The following PHF21A variants were observed in gnomAD, a reference collection of about 807,000 sequenced individuals.
PHF21A encodes PHD finger protein 21A.
In PHF21A, 11 loss-of-function variants were observed where a neutral mutation model predicts 82.5. That is an observed-to-expected ratio of 0.13 (90% CI 0.08 to 0.22). PHF21A has a LOEUF of 0.22. PHF21A is among the 10% of genes least tolerant of loss of function. PHF21A has a pLI of 1.00. For missense variants in PHF21A, 579 were observed against 837.8 expected, an observed-to-expected ratio of 0.69 and a Z score of 3.81; for synonymous variants, 297 against 302.8, an observed-to-expected ratio of 0.98 and a Z score of 0.20.
intron 6 of PHF21A, among the ~76,000 whole-genome samples, chr11:46,022,553 C>T (rs191234728): frequency 2.0e-4 from 30 of 152,308 alleles, no homozygotes; most frequent in Non-Finnish European, 2.8e-4. Context: ...CCTCAAACTC[C>T]TGGGCTCAAG....
intron 6 of PHF21A, among the ~76,000 whole-genome samples, chr11:46,040,742 A>C (rs1368586511): frequency 6.6e-6 from 1 of 152,138 alleles, no homozygotes; most frequent in Non-Finnish European, 1.5e-5. Flanking sequence ...TATATGTTCG[A>C]ATTTAAATAC....
At chr11:45,953,753 A>G in intron 10 of PHF21A, 128 bp from the exon 11 acceptor site, 1 of 647,918 alleles carries the variant, frequency 1.5e-6, no homozygotes, top group Non-Finnish European at 2.7e-6. Context: ...CATATTAATA[A>G]AAAGGTTAGT....
Position 45,933,821 on chromosome 11 carries a change from C to T in PHF21A, c.*147G>A, listed in dbSNP as rs2088049504. ...GATCAATTGGCAAACTCTGGTGCCA[C>T]CTGGCACAAGCATCTTCTCTCTCTC... On this transcript the variant is annotated 3_prime_UTR_variant, in exon 19 of 19. Coordinates refer to ENST00000676320, the MANE Select transcript of PHF21A (RefSeq NM_001352027.3). 2 of 713,830 alleles carry T rather than the reference C, an allele frequency of 2.8e-6. No individual in the cohort carries two copies. Among genetic ancestry groups the T allele is most frequent in the Non-Finnish European group, 2.2e-6 (1 of 459,534 alleles). 44.2% of individuals were successfully genotyped at this position (713,830 alleles called of 1,614,324 possible).
At chr11:46,011,629 A>T (rs143190838) in intron 6 of PHF21A, among the ~76,000 whole-genome samples, 3 of 152,318 alleles carry the variant, frequency 2.0e-5, no homozygotes, top group Non-Finnish European at 2.9e-5. Context: ...TTCATTTCTA[A>T]ATTCAAGAAA....
intron 6 of PHF21A, among the ~76,000 whole-genome samples, chr11:46,035,730 A>G (rs1177375771): frequency 6.6e-6 from 1 of 152,214 alleles, no homozygotes; most frequent in Non-Finnish European, 1.5e-5. Flanking sequence ...GGAGGAGAAC[A>G]GTGTCTCAGA....
Position 45,999,588 on chromosome 11 carries a change from T to C in PHF21A, c.154-19622A>G, listed in dbSNP as rs193034258. 8.5e-5 allele frequency among the ~76,000 whole-genome samples: 13 copies of C among 152,284 alleles called. No homozygotes were observed. In the East Asian group the frequency reaches 2.3e-3, roughly 27 times the overall value. ...GAAGGGAAATTTAAAAATATATCTA[T>C]AGAGGACAAAAAATGTATAATTTAG... On this transcript the variant is annotated intron_variant, in intron 6 of 18. Transcript: ENST00000676320.
intron 6 of PHF21A, among the ~76,000 whole-genome samples, chr11:46,003,508 A>T (rs1465854031): frequency 1.3e-5 from 2 of 152,162 alleles, no homozygotes; most frequent in Non-Finnish European, 2.9e-5. Context: ...AAAAATGCTG[A>T]TGAACTTGAT....
intron 1 of PHF21A, among the ~76,000 whole-genome samples, chr11:46,108,555 A>ATGTG (rs779833383): frequency 1.1e-5 from 1 of 94,850 alleles, no homozygotes; most frequent in Non-Finnish European, 2.1e-5. Flanking sequence ...TTCTTTAAAA[A>ATGTG]TGTGTGTGTG....
Position 45,934,744 on chromosome 11 carries a change from A to G in PHF21A, c.1789-519T>C, listed in dbSNP as rs140584829. On this transcript the variant is annotated intron_variant, in intron 18 of 18. Coordinates refer to ENST00000676320, the MANE Select transcript of PHF21A (RefSeq NM_001352027.3). ...GGCCAGCAGCATTTAGGAGGATCGA[A>G]GCCCCAAGGACAAAGGCCTGCAGCC... The G allele has an allele frequency of 4.3e-3, 1,413 of 327,862 alleles. 19 individuals are homozygous for G. The highest frequency in any genetic ancestry group is 0.028 in the African/African-American group (1,297 of 46,496). 20.3% of individuals were successfully genotyped at this position (327,862 alleles called of 1,614,324 possible).
At chr11:45,937,086 G>A (rs7934681) in intron 16 of PHF21A, among the ~76,000 whole-genome samples, 132,819 of 152,226 alleles carry the variant, frequency 0.87, 58,274 homozygotes, top group East Asian at 1. Context: ...AGCAGCATCA[G>A]GAGGAGGACA....
chr11:45,984,153 G>A (rs1316156136), intron 6 of PHF21A, among the ~76,000 whole-genome samples: 1 of 152,000 alleles, frequency 6.6e-6, no homozygotes, highest in Non-Finnish European at 1.5e-5. Flanking sequence ...TTAAAAGAGA[G>A]GGAAAAAATC....
chr11:46,031,985 A>G (rs532319976), intron 6 of PHF21A, among the ~76,000 whole-genome samples: 9 of 152,208 alleles, frequency 5.9e-5, no homozygotes, highest in Non-Finnish European at 1.3e-4. Flanking sequence ...CTTCCACACT[A>G]ACATGAAAAC....
chr11:46,003,412 G>T (rs2137088379), intron 6 of PHF21A, among the ~76,000 whole-genome samples: 1 of 151,650 alleles, frequency 6.6e-6, no homozygotes, highest in South Asian at 2.1e-4. Flanking sequence ...ACTGCTAAAA[G>T]AAAAAAATAT....
intron 4 of PHF21A, among the ~76,000 whole-genome samples, chr11:46,081,872 T>A (rs2096796566): frequency 6.6e-6 from 1 of 152,218 alleles, no homozygotes; most frequent in African/African-American, 2.4e-5. Context: ...GCAGAGTAGT[T>A]GTGACAGAAA....
intron 1 of PHF21A, among the ~76,000 whole-genome samples, chr11:46,105,785 T>C (rs1014202866): frequency 6.6e-6 from 1 of 152,222 alleles, no homozygotes; most frequent in Non-Finnish European, 1.5e-5. Flanking sequence ...ACTCAATTCT[T>C]AGACTACCTT....
intron 5 of PHF21A, among the ~76,000 whole-genome samples, chr11:46,077,602 G>C (rs193024895): frequency 6.6e-6 from 1 of 152,278 alleles, no homozygotes; most frequent in Admixed American, 6.5e-5. Flanking sequence ...TTGGTCTTCT[G>C]TCAGGGTTAG....
At chr11:46,070,442 C>G (rs6416136) in intron 6 of PHF21A, among the ~76,000 whole-genome samples, 1 of 151,988 alleles carries the variant, frequency 6.6e-6, no homozygotes, top group Non-Finnish European at 1.5e-5. Flanking sequence ...GCAATTCTCC[C>G]GCCTCAGCCT....
Position 45,971,013 on chromosome 11 carries a change from T to C in PHF21A, c.612+103A>G, listed in dbSNP as rs765139800. The C allele has an allele frequency of 2.4e-5, 32 of 1,357,884 alleles. 1 individual carries two copies. In the South Asian group the frequency reaches 2.4e-4, roughly 10 times the overall value. The allele number at this position is 1,357,884 out of a possible 1,614,324, so 84.1% of individuals were successfully genotyped here. A position where few individuals can be genotyped will look rare whatever the true frequency, so the allele number is the denominator to read the frequency against. ...GGAATTTGGTATGCTAGAAGAATGATGGAAACTGAGAAATCCAGCAGGAGC... is the reference window on the plus strand; with the variant it reads ...GGAATTTGGTATGCTAGAAGAATGACGGAAACTGAGAAATCCAGCAGGAGC... On this transcript the variant is annotated intron_variant, in intron 8 of 18. Coordinates refer to ENST00000676320, the MANE Select transcript of PHF21A (RefSeq NM_001352027.3).
chr11:45,967,862 A>C (rs2093540465), intron 9 of PHF21A, among the ~76,000 whole-genome samples: 1 of 152,198 alleles, frequency 6.6e-6, no homozygotes, highest in South Asian at 2.1e-4. Flanking sequence ...ATGTATCTCT[A>C]AAACAAAAAC....
Sources: allele counts gnomAD v4.1 joint callset (sites outside exome capture counted in the v4.1 genomes callset), GRCh38; gene constraint gnomAD v4.1.1; transcripts MANE v1.5; gene names NCBI Gene and HGNC (gene_info 2026-07-23, HGNC 2026-07-21).